The following CSMD2 variants were observed in gnomAD, a reference collection of about 807,000 sequenced individuals.
CSMD2 encodes the protein CUB and sushi domain-containing protein 2.
A neutral mutation model predicts 398.5 loss-of-function variants in CSMD2; 130 were observed. The observed-to-expected ratio is 0.33, with a 90% CI of 0.28 to 0.38. The LOEUF is 0.38. Among genes scored for constraint, CSMD2 ranks in the 10% least tolerant of loss-of-function variants. The pLI is 1.00. For synonymous variants in CSMD2, 1,828 were observed against 1,908.5 expected (o/e 0.96, Z 1.10); for missense variants, 3,829 against 4,764.9 (o/e 0.80, Z 5.78).
At chr1:33,984,669 A>G (rs1025249226) in intron 3 of CSMD2, among the ~76,000 whole-genome samples, 1 of 151,996 alleles carries the variant, frequency 6.6e-6, no homozygotes, top group Non-Finnish European at 1.5e-5. Context: ...TTTAGTCCCA[A>G]CTACTCGGGA....
At chr1:33,869,479 T>C (rs978902068) in intron 5 of CSMD2, 1 of 152,300 alleles carries the variant, frequency 6.6e-6, no homozygotes, top group Non-Finnish European at 1.5e-5. Flanking sequence ...TTCCTGGGCC[T>C]TGTGGGGAAC....
intron 4 of CSMD2, among the ~76,000 whole-genome samples, chr1:33,927,394 A>G (rs1644163530): frequency 6.6e-6 from 1 of 152,142 alleles, no homozygotes; most frequent in South Asian, 2.1e-4. Flanking sequence ...TAGACAGGAC[A>G]TGGTATTTGA....
At chr1:34,055,453 C>T (rs1308971921) in intron 2 of CSMD2, among the ~76,000 whole-genome samples, 1 of 152,198 alleles carries the variant, frequency 6.6e-6, no homozygotes, top group Non-Finnish European at 1.5e-5. Flanking sequence ...TCACAAGACC[C>T]TGGTTGTTTT....
At chr1:33,829,109 G>T (rs1207287747) in intron 6 of CSMD2, among the ~76,000 whole-genome samples, 2 of 152,172 alleles carry the variant, frequency 1.3e-5, no homozygotes, top group Non-Finnish European at 2.9e-5. Context: ...TCCACAGGTA[G>T]AGTCTTTGTC....
At position 34,115,003 on chromosome 1, in the gene CSMD2, A is replaced by G. The variant is rs191182745; in HGVS notation, c.188-25810T>C. On this transcript the variant is annotated intron_variant, in intron 1 of 70. Coordinates refer to ENST00000373381, the MANE Select transcript of CSMD2 (RefSeq NM_001281956.2). ...TCAATAACAGACTTAAGCAGAAAAA[A>G]GAATCAGTGAACTCAAAAACAGGTC... is the stretch of plus-strand genomic sequence containing the variant. Among the ~76,000 whole-genome samples the G allele has an allele frequency of 8.0e-4, 122 of 152,272 alleles. 2 individuals carry two copies.
chr1:33,922,198 G>A (rs1262104557), intron 4 of CSMD2, among the ~76,000 whole-genome samples: 1 of 152,152 alleles, frequency 6.6e-6, no homozygotes, highest in African/African-American at 2.4e-5. Context: ...GTGAGGCAGG[G>A]AATCAGCAGG....
At chr1:34,139,338 T>G (rs1639054205) in intron 1 of CSMD2, among the ~76,000 whole-genome samples, 1 of 152,146 alleles carries the variant, frequency 6.6e-6, no homozygotes, top group Non-Finnish European at 1.5e-5. Context: ...TGATGCCCTG[T>G]GCCACCATGG....
intron 10 of CSMD2, among the ~76,000 whole-genome samples, chr1:33,810,450 GTA>G (rs990647483): frequency 2.0e-5 from 3 of 152,176 alleles, no homozygotes; most frequent in African/African-American, 7.2e-5. Context: ...CTCTGAGGGT[GTA>G]GGGAATGAAA....
At chr1:34,077,788 G>A (rs1442509742) in intron 2 of CSMD2, among the ~76,000 whole-genome samples, 1 of 150,802 alleles carries the variant, frequency 6.6e-6, no homozygotes, top group Admixed American at 6.6e-5. Flanking sequence ...CTCCAAAAGG[G>A]AGGAGTTTGG....
chr1:34,073,874 C>A (rs939315720), intron 2 of CSMD2, among the ~76,000 whole-genome samples: 15 of 152,296 alleles, frequency 9.8e-5, no homozygotes, highest in Admixed American at 3.3e-4. Flanking sequence ...ACTGGCTGCA[C>A]AGGAAGCATG....
intron 4 of CSMD2, among the ~76,000 whole-genome samples, chr1:33,919,035 A>C (rs1643863746): frequency 6.6e-6 from 1 of 152,174 alleles, no homozygotes; most frequent in Non-Finnish European, 1.5e-5. Flanking sequence ...AACACTGGCT[A>C]TGGTATAAAG....
chr1:33,724,814 T>C (rs1646474858), intron 17 of CSMD2, 110 bp from the exon 18 acceptor site: 1 of 977,162 alleles, frequency 1.0e-6, no homozygotes, highest in Admixed American at 2.7e-5. Context: ...AGGCAGAAGT[T>C]GCCAATTACT....
chr1:33,607,993 C>A lies in CSMD2; in HGVS notation c.6344-2523G>T, dbSNP rs544201759. 1.5e-4 allele frequency among the ~76,000 whole-genome samples: 23 copies of A among 152,322 alleles called. No individual in the cohort carries two copies. In the East Asian group the frequency reaches 3.9e-3, roughly 26 times the overall value. On this transcript the variant is annotated intron_variant, in intron 41 of 70. Transcript: ENST00000373381. ...AGGAGGACTGGGCCTGTGGAGGCTG[C>A]AAACCTCAGTGGGAGAGACAGGCCC...
At chr1:33,710,200 G>A (rs1410785498) in intron 21 of CSMD2, among the ~76,000 whole-genome samples, 2 of 152,144 alleles carry the variant, frequency 1.3e-5, no homozygotes, top group Non-Finnish European at 2.9e-5. Flanking sequence ...CATGCACAGA[G>A]GAATGGGATC....
rs191241567 is a variant in CSMD2, at chr1:33,691,161, G to C, written c.4052+1769C>G. Reference sequence around the variant, plus strand: ...ATGTACAGGGGTCACCAATAATTTTGCTTTGCCGGAATGTCATTGAAGAGA... The same window carrying C: ...ATGTACAGGGGTCACCAATAATTTTCCTTTGCCGGAATGTCATTGAAGAGA... On this transcript the variant is annotated intron_variant, in intron 25 of 70. Transcript: ENST00000373381. Among the ~76,000 whole-genome samples the C allele has an allele frequency of 1.9e-3, 291 of 152,302 alleles. 1 individual carries two copies. Among genetic ancestry groups the C allele is most frequent in the African/African-American group, 6.6e-3 (276 of 41,550 alleles).
At chr1:33,825,655 A>T in intron 7 of CSMD2, 42 bp downstream of exon 7, 1 of 1,585,828 alleles carries the variant, frequency 6.3e-7, no homozygotes, top group African/African-American at 1.3e-5. Context: ...GTGTGACCTC[A>T]AGCAAGAGGC....
At chr1:33,746,551 C>T (rs966862203) in intron 13 of CSMD2, among the ~76,000 whole-genome samples, 3 of 152,164 alleles carry the variant, frequency 2.0e-5, no homozygotes, top group African/African-American at 7.2e-5. Flanking sequence ...TCCAGGGGCA[C>T]CATTTTGGAA....
chr1:33,832,749 G>A (rs1451970781), intron 6 of CSMD2, among the ~76,000 whole-genome samples: 5 of 151,158 alleles, frequency 3.3e-5, no homozygotes, highest in East Asian at 2.0e-4. Flanking sequence ...TTGATAGACC[G>A]CTAGCAAGAC....
chr1:34,041,202 G>C (rs1203082391), intron 2 of CSMD2, among the ~76,000 whole-genome samples: 3 of 152,096 alleles, frequency 2.0e-5, no homozygotes, highest in Non-Finnish European at 4.4e-5. Context: ...GTACACAAAA[G>C]GACTCCCATT....
Sources: gnomAD v4.1 joint callset for allele counts (sites outside exome capture counted in the v4.1 genomes callset) on GRCh38, gnomAD v4.1.1 for gene constraint, MANE v1.5 for transcripts, NCBI Gene and HGNC (gene_info 2026-07-23, HGNC 2026-07-21) for gene names.